The following CCDC192 variants were observed in gnomAD, a reference collection of about 807,000 sequenced individuals.
CCDC192 encodes coiled-coil domain-containing protein 192.
At chr5:127,807,221 TCC>T (rs1391579975) in intron 5 of CCDC192, among the ~76,000 whole-genome samples, 2 of 152,182 alleles carry the variant, frequency 1.3e-5, no homozygotes, top group Non-Finnish European at 2.9e-5. Flanking sequence ...CAGTAACTGT[TCC>T]CCAGTTTATG....
At chr5:127,830,390 T>C (rs902485395) in intron 5 of CCDC192, among the ~76,000 whole-genome samples, 4 of 152,174 alleles carry the variant, frequency 2.6e-5, no homozygotes, top group African/African-American at 9.7e-5. Flanking sequence ...AATGGAAATG[T>C]ATTTGCTTAT....
intron 6 of CCDC192, among the ~76,000 whole-genome samples, chr5:127,926,117 A>T (rs1426498584): frequency 6.6e-6 from 1 of 152,196 alleles, no homozygotes; most frequent in African/African-American, 2.4e-5. Flanking sequence ...GCCTTATTTG[A>T]ACACAGTTTG....
At chr5:127,907,179 A>G (rs751958855) in intron 6 of CCDC192, among the ~76,000 whole-genome samples, 8 of 152,198 alleles carry the variant, frequency 5.3e-5, no homozygotes, top group Admixed American at 5.2e-4. Flanking sequence ...AAGGAGTCAT[A>G]TCTGTGAACA....
intron 5 of CCDC192, among the ~76,000 whole-genome samples, chr5:127,868,273 G>A (rs1187538914): frequency 6.6e-6 from 1 of 152,100 alleles, no homozygotes. Context: ...AGTTCTTATG[G>A]CCAAGGAGCA....
rs1353379146 is a variant in CCDC192, at chr5:127,715,203, CCAAT to C, written c.114+7445_114+7448del. Among the ~76,000 whole-genome samples the C allele has an allele frequency of 2.6e-5, 4 of 152,180 alleles. No individual in the cohort carries two copies. In the East Asian group the frequency reaches 7.7e-4, roughly 29 times the overall value. ...CTTATTCAAAAAATCCTCACCCATA[CCAAT>C]CTCACAAAGTGTTTTCCCTATTTTT... is the stretch of plus-strand genomic sequence containing the variant. On this transcript the variant is annotated intron_variant, in intron 2 of 6. Transcript: ENST00000514853.
intron 6 of CCDC192, among the ~76,000 whole-genome samples, chr5:127,877,120 A>G: frequency 6.6e-6 from 1 of 152,192 alleles, no homozygotes; most frequent in East Asian, 1.9e-4. Flanking sequence ...CAACTTTTCA[A>G]TTGCGTTTTA....
chr5:127,859,821 C>T (rs575714935), intron 5 of CCDC192, among the ~76,000 whole-genome samples: 15 of 152,136 alleles, frequency 9.9e-5, no homozygotes, highest in South Asian at 2.1e-4. Context: ...AGTCTCTTGT[C>T]GGCTATGTCT....
Position 127,941,345 on chromosome 5 carries a change from G to C in CCDC192, c.699G>C (p.Gln233His). ...VLEEKERKIQQLEAERSPHPP... is the reference protein window; with the variant it reads ...VLEEKERKIQHLEAERSPHPP... ...AGGAAAAGGAAAGGAAGATTCAGCA[G>C]CTGGAAGCTGAGCGGAGTCCCCATC... Residue 233 changes from glutamine to histidine, a missense_variant, in exon 7 of 7, where the codon CAG (glutamine) becomes CAC (histidine). Physicochemically the swap from Gln to His is conservative, Grantham distance 24. Transcript: ENST00000514853. 2.5e-6 allele frequency: 1 copy of C among 399,120 alleles called. No homozygotes were observed. The highest frequency in any genetic ancestry group is 4.4e-6 in the Non-Finnish European group (1 of 226,092). 24.7% of individuals were successfully genotyped at this position (399,120 alleles called of 1,614,324 possible). A position where few individuals can be genotyped will look rare whatever the true frequency, so the allele number is the denominator to read the frequency against.
At chr5:127,734,362 T>C (rs1302021353) in intron 2 of CCDC192, among the ~76,000 whole-genome samples, 1 of 152,046 alleles carries the variant, frequency 6.6e-6, no homozygotes, top group African/African-American at 2.4e-5. Flanking sequence ...GTCTTTGCTA[T>C]TGGGAATAAT....
At chr5:127,844,515 T>C (rs920502704) in intron 5 of CCDC192, among the ~76,000 whole-genome samples, 3 of 152,184 alleles carry the variant, frequency 2.0e-5, no homozygotes, top group Non-Finnish European at 4.4e-5. Context: ...CAATTTTTCT[T>C]TGGTATGCTC....
intron 3 of CCDC192, among the ~76,000 whole-genome samples, chr5:127,769,728 G>A (rs1006199744): frequency 6.6e-6 from 1 of 152,154 alleles, no homozygotes; most frequent in East Asian, 1.9e-4. Flanking sequence ...TTATTGTGAG[G>A]TTGAATAAGG....
chr5:127,847,720 G>C (rs886893284), intron 5 of CCDC192, among the ~76,000 whole-genome samples: 4 of 151,874 alleles, frequency 2.6e-5, no homozygotes, highest in African/African-American at 7.3e-5. Flanking sequence ...TACTCAGAAG[G>C]CTGAGGCAGG....
intron 6 of CCDC192, among the ~76,000 whole-genome samples, chr5:127,900,295 C>T (rs780400570): frequency 2.6e-5 from 4 of 152,128 alleles, no homozygotes; most frequent in Non-Finnish European, 4.4e-5. Context: ...AGCTTTAAAG[C>T]AGGGTAGCAT....
At chr5:127,735,859 T>A (rs1429471204) in intron 2 of CCDC192, among the ~76,000 whole-genome samples, 2 of 137,332 alleles carry the variant, frequency 1.5e-5, no homozygotes, top group East Asian at 2.2e-4. Context: ...AGATATACAA[T>A]CATGTCTTCT....
chr5:127,709,118 A>AGGGAGAGG (rs10694735), intron 2 of CCDC192, among the ~76,000 whole-genome samples: 16 of 125,882 alleles, frequency 1.3e-4, no homozygotes, highest in Non-Finnish European at 9.9e-5. Context: ...AGAGAGAGAG[A>AGGGAGAGG]GAGAGGGAGA....
intron 6 of CCDC192, among the ~76,000 whole-genome samples, chr5:127,924,298 G>C (rs1269530613): frequency 6.6e-6 from 1 of 152,140 alleles, no homozygotes; most frequent in Non-Finnish European, 1.5e-5. Flanking sequence ...AGATGAAATG[G>C]AAAGTTTGCC....
At chr5:127,843,909 A>T (rs773099206) in intron 5 of CCDC192, among the ~76,000 whole-genome samples, 1 of 152,266 alleles carries the variant, frequency 6.6e-6, no homozygotes, top group Non-Finnish European at 1.5e-5. Flanking sequence ...AAACAAATGT[A>T]AAACCATATT....
chr5:127,872,977 A>T (rs577488098), intron 5 of CCDC192, among the ~76,000 whole-genome samples: 2 of 152,312 alleles, frequency 1.3e-5, no homozygotes, highest in Admixed American at 1.3e-4. Context: ...ATATTTTTTT[A>T]AAAAGAGTTA....
intron 5 of CCDC192, among the ~76,000 whole-genome samples, chr5:127,861,172 C>A (rs908420205): frequency 2.0e-5 from 3 of 151,918 alleles, no homozygotes; most frequent in East Asian, 2.0e-4. Flanking sequence ...CCATGCCCAG[C>A]TAATTTTGTA....
Sources: gnomAD v4.1 joint callset for allele counts (sites outside exome capture counted in the v4.1 genomes callset) on GRCh38, gnomAD v4.1.1 for gene constraint, MANE v1.5 for transcripts, NCBI Gene and HGNC (gene_info 2026-07-23, HGNC 2026-07-21) for gene names.